PSTPIP2: variants seen among roughly 807,000 people sequenced by gnomAD.
PSTPIP2 encodes the protein proline-serine-threonine phosphatase-interacting protein 2.
In PSTPIP2, 33 loss-of-function variants were observed where a neutral mutation model predicts 63.3. The ratio of observed to expected loss-of-function variants is 0.52; its 90% CI spans 0.40 to 0.70. The LOEUF (loss-of-function observed/expected upper bound fraction) is 0.70, where lower values mean the gene tolerates loss of function less well. PSTPIP2 is among the 30% of genes least tolerant of loss of function. The probability of loss-of-function intolerance (pLI) is 0.00; values close to 1 mark genes in which losing one functional copy is unlikely to be tolerated. For synonymous variants in PSTPIP2, 125 were observed against 132.7 expected, an observed-to-expected ratio of 0.94 and a Z score of 0.40; for missense variants, 312 against 400.7, an observed-to-expected ratio of 0.78 and a Z score of 1.89.
At chr18:46,038,505 G>GA (rs1266320909) in intron 2 of PSTPIP2, among the ~76,000 whole-genome samples, 1 of 152,128 alleles carries the variant, frequency 6.6e-6, no homozygotes, top group Non-Finnish European at 1.5e-5. Flanking sequence ...GGGAGGAACA[G>GA]AAAAAAGCAG....
chr18:46,017,785 A>C (rs1404486844), intron 3 of PSTPIP2, among the ~76,000 whole-genome samples: 1 of 151,846 alleles, frequency 6.6e-6, no homozygotes, highest in Non-Finnish European at 1.5e-5. Flanking sequence ...CTTAAAATCT[A>C]CTCTCTTAGT....
At chr18:46,024,555 A>G (rs2144096095) in intron 3 of PSTPIP2, 54 bp downstream of exon 3, 1 of 1,443,844 alleles carries the variant, frequency 6.9e-7, no homozygotes, top group Non-Finnish European at 9.7e-7. Flanking sequence ...GAAGCGAGGG[A>G]GCTCCCAGGC....
At chr18:46,035,595 T>C (rs1352970114) in intron 2 of PSTPIP2, among the ~76,000 whole-genome samples, 1 of 152,056 alleles carries the variant, frequency 6.6e-6, no homozygotes, top group Non-Finnish European at 1.5e-5. Flanking sequence ...TGCTCACCAA[T>C]AAACCCATCT....
At chr18:46,050,582 TAAC>T (rs34736980) in intron 1 of PSTPIP2, among the ~76,000 whole-genome samples, 18,212 of 151,812 alleles carry the variant, frequency 0.12, 1,399 homozygotes, top group East Asian at 0.4. Context: ...AAAAAGATAA[TAAC>T]AAAGAATTGG....
intron 12 of PSTPIP2, 99 bp downstream of exon 12, chr18:45,991,803 G>A (rs1323118213): frequency 2.6e-6 from 3 of 1,153,890 alleles, no homozygotes; most frequent in Non-Finnish European, 2.5e-6. Flanking sequence ...AGCAGATGCA[G>A]TAGTAGATAT....
chr18:45,992,669 A>G (rs1182522765), intron 10 of PSTPIP2, among the ~76,000 whole-genome samples: 2 of 151,802 alleles, frequency 1.3e-5, no homozygotes, highest in Non-Finnish European at 2.9e-5. Context: ...TCCCAGATTC[A>G]TATTGGAGCT....
At chr18:46,007,874 G>A (rs538859364) in intron 5 of PSTPIP2, among the ~76,000 whole-genome samples, 15 of 152,312 alleles carry the variant, frequency 9.8e-5, no homozygotes, top group African/African-American at 1.7e-4. Flanking sequence ...CTTGACAGGC[G>A]TGGACCCTGG....
chr18:45,992,330 G>T, intron 10 of PSTPIP2, 128 bp from the exon 11 acceptor site: 1 of 746,260 alleles, frequency 1.3e-6, no homozygotes, highest in Non-Finnish European at 2.3e-6. Flanking sequence ...TGGGAGGTTG[G>T]GGTGGGCGGA....
intron 1 of PSTPIP2, among the ~76,000 whole-genome samples, chr18:46,050,947 C>A (rs9946543): frequency 0.12 from 18,158 of 151,748 alleles, 1,401 homozygotes; most frequent in East Asian, 0.4. Flanking sequence ...ACTGCAACCT[C>A]CACCTCCTAG....
At chr18:46,013,367 G>A (rs1015182852) in intron 4 of PSTPIP2, among the ~76,000 whole-genome samples, 30 of 152,168 alleles carry the variant, frequency 2.0e-4, no homozygotes, top group Admixed American at 1.9e-3. Context: ...ACTAGCTACA[G>A]AAACACTTTA....
intron 7 of PSTPIP2, 58 bp downstream of exon 7, chr18:45,999,378 G>A (rs553874441): frequency 6.8e-7 from 1 of 1,470,648 alleles, no homozygotes; most frequent in South Asian, 1.1e-5. Flanking sequence ...TTCATAATTG[G>A]CTTTAGCCTG....
At chr18:45,985,979 G>T (rs1351970134) in intron 14 of PSTPIP2, among the ~76,000 whole-genome samples, 1 of 152,048 alleles carries the variant, frequency 6.6e-6, no homozygotes. Context: ...GTTTCACCAT[G>T]TTGGCCAGGC....
intron 2 of PSTPIP2, among the ~76,000 whole-genome samples, chr18:46,027,915 C>T (rs1907640561): frequency 1.3e-5 from 2 of 152,190 alleles, no homozygotes; most frequent in Admixed American, 6.5e-5. Flanking sequence ...AATCACAGCA[C>T]TTTGGGAGGC....
At chr18:46,020,370 T>C (rs1024909185) in intron 3 of PSTPIP2, among the ~76,000 whole-genome samples, 14 of 152,258 alleles carry the variant, frequency 9.2e-5, no homozygotes, top group African/African-American at 3.4e-4. Context: ...AGCAAAATCA[T>C]CTGGCCGGGC....
At chr18:46,006,695 C>T (rs1357603375) in intron 5 of PSTPIP2, among the ~76,000 whole-genome samples, 1 of 152,086 alleles carries the variant, frequency 6.6e-6, no homozygotes, top group African/African-American at 2.4e-5. Flanking sequence ...TTTTATACCC[C>T]ATCCAAGTGA....
At chr18:45,995,311 C>T (rs548591649) in intron 9 of PSTPIP2, among the ~76,000 whole-genome samples, 138 of 152,210 alleles carry the variant, frequency 9.1e-4, no homozygotes, top group Non-Finnish European at 1.4e-3. Flanking sequence ...CTGTGTTGCC[C>T]AGGCTGGTCT....
Position 46,026,045 on chromosome 18 carries a change from A to G in PSTPIP2, c.135-1359T>C, listed in dbSNP as rs566910801. 8.8e-4 allele frequency among the ~76,000 whole-genome samples: 134 copies of G among 152,286 alleles called. 1 individual carries two copies. The highest frequency in any genetic ancestry group is 3.4e-3 in the Middle Eastern group (1 of 294). ...GCTGGGATTAAAGGCATGAGCCACCACACCCAGCTTGAGAGTGTTTTTCTG... is the reference window on the plus strand; with the variant it reads ...GCTGGGATTAAAGGCATGAGCCACCGCACCCAGCTTGAGAGTGTTTTTCTG... On this transcript the variant is annotated intron_variant, in intron 2 of 14. Coordinates refer to ENST00000409746, the MANE Select transcript of PSTPIP2 (RefSeq NM_024430.4).
intron 2 of PSTPIP2, among the ~76,000 whole-genome samples, chr18:46,031,169 T>A (rs1907776893): frequency 6.6e-6 from 1 of 152,238 alleles, no homozygotes; most frequent in Non-Finnish European, 1.5e-5. Flanking sequence ...TATCCACATG[T>A]TGGATTGGCT....
chr18:46,061,101 C>G (rs1194316028), intron 1 of PSTPIP2, among the ~76,000 whole-genome samples: 1 of 152,054 alleles, frequency 6.6e-6, no homozygotes, highest in East Asian at 1.9e-4. Context: ...GTCAGGAGTT[C>G]AAGAGCAACC....
Sources: gnomAD v4.1 joint callset for allele counts (sites outside exome capture counted in the v4.1 genomes callset) on GRCh38, gnomAD v4.1.1 for gene constraint, MANE v1.5 for transcripts, NCBI Gene and HGNC (gene_info 2026-07-23, HGNC 2026-07-21) for gene names.